The following ITGBL1 variants were observed in gnomAD, a reference collection of about 807,000 sequenced individuals.
ITGBL1 encodes the protein integrin beta-like protein 1.
ITGBL1 carries 51 observed loss-of-function variants against 68.5 expected under a neutral mutation model. The ratio of observed to expected loss-of-function variants is 0.74; its 90% CI spans 0.59 to 0.94. The LOEUF (loss-of-function observed/expected upper bound fraction) is 0.94. Among genes scored for constraint, ITGBL1 ranks in the 40% least tolerant of loss-of-function variants. ITGBL1 has a pLI of 0.00. For synonymous variants in ITGBL1, 209 were observed against 227.3 expected (o/e 0.92, Z 0.72); for missense variants, 649 against 647.4 (o/e 1.00, Z -0.03).
At chr13:101,589,382 C>T (rs1263872637) in intron 6 of ITGBL1, among the ~76,000 whole-genome samples, 2 of 152,174 alleles carry the variant, frequency 1.3e-5, no homozygotes, top group Non-Finnish European at 2.9e-5. Flanking sequence ...ACTTTCTGTG[C>T]CACTATTTTG....
At chr13:101,668,066 G>C (rs2033265698) in intron 7 of ITGBL1, among the ~76,000 whole-genome samples, 1 of 152,124 alleles carries the variant, frequency 6.6e-6, no homozygotes, top group South Asian at 2.1e-4. Context: ...ATTGATCTCT[G>C]TTAGATGTTT....
At chr13:101,677,180 C>A (rs1342587867) in intron 7 of ITGBL1, among the ~76,000 whole-genome samples, 3 of 152,060 alleles carry the variant, frequency 2.0e-5, no homozygotes, top group Non-Finnish European at 4.4e-5. Flanking sequence ...CATAAGTTAT[C>A]TGAAACATAT....
chr13:101,454,402 C>T (rs946460783), intron 2 of ITGBL1, among the ~76,000 whole-genome samples: 2 of 2,526 alleles, frequency 7.9e-4, no homozygotes, highest in Non-Finnish European at 1.7e-3. Context: ...TGGCTGGTCC[C>T]CCCCCCCCCC....
rs1216442767 is a variant in ITGBL1, at chr13:101,567,771, C to A, written c.389C>A (p.Thr130Asn). 2 of 1,613,272 alleles carry A rather than the reference C, an allele frequency of 1.2e-6. No homozygotes were observed. Among genetic ancestry groups the A allele is most frequent in the African/African-American group, 2.7e-5 (2 of 74,970 alleles). ...GWYGDACQYPTNCDLTKKKSN... is the reference protein window; with the variant it reads ...GWYGDACQYPNNCDLTKKKSN... The stretch of plus-strand genomic sequence containing the variant: ...TATGGGGATGCTTGCCAGTACCCAA[C>A]TAACTGTGACTTGACAAAGAAGAAA... Residue 130 changes from threonine (T) to asparagine (N), a missense_variant, in exon 3 of 11, where the codon ACT becomes AAT. Coordinates refer to ENST00000376180, the MANE Select transcript of ITGBL1 (RefSeq NM_004791.3).
At chr13:101,454,399 TCC>T (rs10524609) in intron 2 of ITGBL1, among the ~76,000 whole-genome samples, 101 of 135,804 alleles carry the variant, frequency 7.4e-4, no homozygotes, top group South Asian at 5.5e-3. Context: ...CCCTGGCTGG[TCC>T]CCCCCCCCCC....
intron 8 of ITGBL1, among the ~76,000 whole-genome samples, chr13:101,701,242 T>TA (rs2034129419): frequency 6.6e-6 from 1 of 152,094 alleles, no homozygotes; most frequent in South Asian, 2.1e-4. Context: ...TAGCTAATAA[T>TA]AAAAAATCAT....
chr13:101,677,043 A>G (rs1436265), intron 7 of ITGBL1, among the ~76,000 whole-genome samples: 119,999 of 151,978 alleles, frequency 0.79, 47,575 homozygotes, highest in East Asian at 0.96. Flanking sequence ...AGAATTGCTT[A>G]AACCTGGGAG....
chr13:101,507,402 T>C (rs557874389), intron 2 of ITGBL1, among the ~76,000 whole-genome samples: 1 of 152,322 alleles, frequency 6.6e-6, no homozygotes, highest in Non-Finnish European at 1.5e-5. Context: ...ATTTTTGTGA[T>C]TGTGTTGAAC....
intron 2 of ITGBL1, among the ~76,000 whole-genome samples, chr13:101,493,135 G>T (rs903608298): frequency 6.6e-6 from 1 of 152,076 alleles, no homozygotes; most frequent in Non-Finnish European, 1.5e-5. Context: ...GAATTTTCAA[G>T]ATTTTACTCA....
intron 2 of ITGBL1, among the ~76,000 whole-genome samples, chr13:101,499,918 G>A (rs557275190): frequency 6.6e-6 from 1 of 152,292 alleles, no homozygotes; most frequent in Non-Finnish European, 1.5e-5. Context: ...CCTTCCACTG[G>A]CTCTTCAACC....
chr13:101,647,303 A>G (rs1403483290), intron 7 of ITGBL1, among the ~76,000 whole-genome samples: 1 of 152,222 alleles, frequency 6.6e-6, no homozygotes, highest in Non-Finnish European at 1.5e-5. Context: ...TTCATTTTCA[A>G]AACCATCTAT....
intron 3 of ITGBL1, among the ~76,000 whole-genome samples, chr13:101,574,239 G>A (rs1417984559): frequency 1.3e-5 from 1 of 76,194 alleles, no homozygotes; most frequent in East Asian, 4.4e-4. Flanking sequence ...TTCATTTCAT[G>A]CCACTTTTCA....
chr13:101,467,311 T>C (rs1015145941), intron 2 of ITGBL1, among the ~76,000 whole-genome samples: 1 of 152,148 alleles, frequency 6.6e-6, no homozygotes, highest in African/African-American at 2.4e-5. Context: ...AAATTTAGCT[T>C]CCAAACCTGG....
At chr13:101,683,157 T>G (rs2033680955) in intron 7 of ITGBL1, among the ~76,000 whole-genome samples, 1 of 152,066 alleles carries the variant, frequency 6.6e-6, no homozygotes, top group Non-Finnish European at 1.5e-5. Flanking sequence ...GCCAGAATCC[T>G]AAAAGCTCCA....
chr13:101,521,475 C>T (rs1470357914), intron 2 of ITGBL1, among the ~76,000 whole-genome samples: 1 of 152,006 alleles, frequency 6.6e-6, no homozygotes, highest in Non-Finnish European at 1.5e-5. Context: ...CCTGCAAATC[C>T]AAAGGACCTC....
intron 7 of ITGBL1, among the ~76,000 whole-genome samples, chr13:101,606,598 C>T (rs1310572080): frequency 1.5e-3 from 3 of 2,036 alleles, no homozygotes; most frequent in Non-Finnish European, 2.6e-3. Flanking sequence ...ATCAGTTTGA[C>T]TTTGGTTTAA....
chr13:101,548,034 CTT>C lies in ITGBL1; in HGVS notation c.317-19664_317-19663del, dbSNP rs1472827824. On this transcript the variant is annotated intron_variant, in intron 2 of 10. Coordinates refer to ENST00000376180, the MANE Select transcript of ITGBL1 (RefSeq NM_004791.3). ...GTTACCATTTTAGATGTTTAAAAGT[CTT>C]GTTACCACCAAGTGCTTAAAACAAG... Among the ~76,000 whole-genome samples the C allele has an allele frequency of 4.0e-5, 6 of 151,428 alleles. No individual in the cohort carries two copies. In the East Asian group the frequency reaches 1.2e-3, roughly 29 times the overall value.
At chr13:101,619,487 GA>G (rs2031498908) in intron 7 of ITGBL1, among the ~76,000 whole-genome samples, 1 of 152,132 alleles carries the variant, frequency 6.6e-6, no homozygotes, top group Admixed American at 6.5e-5. Flanking sequence ...CTAAAAGCTT[GA>G]AAAGGCCAGG....
chr13:101,571,771 A>G (rs180678663), intron 3 of ITGBL1, among the ~76,000 whole-genome samples: 32 of 152,080 alleles, frequency 2.1e-4, no homozygotes, highest in African/African-American at 7.5e-4. Flanking sequence ...GTTCTTTTGC[A>G]CTCTGCTTTT....
Sources: gnomAD v4.1 joint callset for allele counts (sites outside exome capture counted in the v4.1 genomes callset) on GRCh38, gnomAD v4.1.1 for gene constraint, MANE v1.5 for transcripts, NCBI Gene and HGNC (gene_info 2026-07-23, HGNC 2026-07-21) for gene names.